PRKG1: variants seen among roughly 807,000 people sequenced by gnomAD.
PRKG1 encodes cGMP-dependent protein kinase 1.
In PRKG1, 35 loss-of-function variants were observed where a neutral mutation model predicts 88.1. That is an observed-to-expected ratio of 0.40 (90% CI 0.30 to 0.53). The LOEUF is 0.53. Ranked by LOEUF, PRKG1 falls within the 20% of genes least tolerant of loss-of-function variation. The pLI is 0.59. For synonymous variants in PRKG1, 303 were observed against 292.5 expected, an observed-to-expected ratio of 1.04 and a Z score of -0.37; for missense variants, 540 against 839.8, an observed-to-expected ratio of 0.64 and a Z score of 4.41.
intron 2 of PRKG1, among the ~76,000 whole-genome samples, chr10:51,176,527 T>G (rs182869468): frequency 6.6e-6 from 1 of 152,254 alleles, no homozygotes; most frequent in East Asian, 1.9e-4. Flanking sequence ...GCTGGTGTGA[T>G]GATTAAATGT....
At position 51,030,841 on chromosome 10, in the gene PRKG1, C is replaced by G. The variant is rs138580742; in HGVS notation, c.266+39197C>G. On this transcript the variant is annotated intron_variant, in intron 1 of 17. Transcript: ENST00000401604. ...TCCTGACCAGAAGCAGATGCTGGTG[C>G]CATGCTTCTTGTACAGCCTGCAGAG... 3.6e-3 allele frequency among the ~76,000 whole-genome samples: 548 copies of G among 152,318 alleles called. 4 individuals are homozygous for G. Among genetic ancestry groups the G allele is most frequent in the African/African-American group, 0.012 (515 of 41,574 alleles).
At chr10:51,662,327 T>C (rs1383167838) in intron 3 of PRKG1, among the ~76,000 whole-genome samples, 1 of 152,142 alleles carries the variant, frequency 6.6e-6, no homozygotes, top group Non-Finnish European at 1.5e-5. Flanking sequence ...CATTATGAAT[T>C]ATGTAGAAAT....
Position 51,823,662 on chromosome 10 carries a change from C to G in PRKG1, c.698+18972C>G, listed in dbSNP as rs1467743480. ...GAAACATTTCGATGTTTGAGAGAGA[C>G]AGGTTAAAGCCCAGTGTTAGCTATG... On this transcript the variant is annotated intron_variant, in intron 4 of 17. Coordinates refer to ENST00000373980, the MANE Select transcript of PRKG1 (RefSeq NM_006258.4). 2.6e-5 allele frequency among the ~76,000 whole-genome samples: 4 copies of G among 151,940 alleles called. No homozygotes were observed. The East Asian group carries it at 7.7e-4, about 29-fold the overall frequency.
intron 2 of PRKG1, among the ~76,000 whole-genome samples, chr10:51,175,327 A>ACATATATACACAC (rs1837161959): frequency 6.6e-6 from 1 of 152,016 alleles, no homozygotes; most frequent in African/African-American, 2.4e-5. Context: ...ACACAAATAC[A>ACATATATACACAC]CATATATACA....
At chr10:52,205,185 T>C (rs553705819) in intron 9 of PRKG1, among the ~76,000 whole-genome samples, 2 of 152,318 alleles carry the variant, frequency 1.3e-5, no homozygotes, top group Non-Finnish European at 1.5e-5. Context: ...CAGCAGGACG[T>C]GGAAGTTCAT....
chr10:51,127,491 C>T (rs540922453), intron 1 of PRKG1, among the ~76,000 whole-genome samples: 1 of 152,118 alleles, frequency 6.6e-6, no homozygotes, highest in African/African-American at 2.4e-5. Context: ...GAAATAGGAA[C>T]ACTTTTACAC....
intron 3 of PRKG1, among the ~76,000 whole-genome samples, chr10:51,691,460 A>C (rs2045813157): frequency 6.6e-6 from 1 of 151,990 alleles, no homozygotes; most frequent in Non-Finnish European, 1.5e-5. Flanking sequence ...GAGCCATGCC[A>C]CCATGGCCAA....
chr10:51,328,247 G>A (rs1293453573), intron 2 of PRKG1, among the ~76,000 whole-genome samples: 2 of 152,048 alleles, frequency 1.3e-5, no homozygotes, highest in Non-Finnish European at 2.9e-5. Context: ...TCTGTGCCTG[G>A]CTTATTTCAC....
At chr10:52,156,229 A>G (rs569143115) in intron 8 of PRKG1, among the ~76,000 whole-genome samples, 7 of 152,084 alleles carry the variant, frequency 4.6e-5, no homozygotes, top group Admixed American at 3.9e-4. Context: ...AGTTACTCAT[A>G]AAAATGTAAT....
intron 2 of PRKG1, among the ~76,000 whole-genome samples, chr10:51,279,229 A>C: frequency 6.6e-6 from 1 of 152,136 alleles, no homozygotes. Context: ...AGTCATTCAG[A>C]AGCAGGTTGT....
At chr10:52,238,807 C>T (rs1202452540) in intron 9 of PRKG1, among the ~76,000 whole-genome samples, 8 of 150,508 alleles carry the variant, frequency 5.3e-5, no homozygotes, top group African/African-American at 1.7e-4. Flanking sequence ...TTGACCCAGC[C>T]ATCCCATTAC....
At chr10:51,280,239 G>A (rs1447122515) in intron 2 of PRKG1, among the ~76,000 whole-genome samples, 2 of 152,154 alleles carry the variant, frequency 1.3e-5, no homozygotes, top group African/African-American at 4.8e-5. Context: ...TGAGAGTTCT[G>A]CTTTTAGTCT....
intron 5 of PRKG1, among the ~76,000 whole-genome samples, chr10:52,032,914 G>A (rs772219290): frequency 6.6e-6 from 1 of 152,184 alleles, no homozygotes; most frequent in Non-Finnish European, 1.5e-5. Flanking sequence ...ACATCCTAAT[G>A]TAGTCTAGGT....
intron 2 of PRKG1, among the ~76,000 whole-genome samples, chr10:51,430,129 A>G (rs1838718514): frequency 1.3e-5 from 2 of 151,960 alleles, no homozygotes; most frequent in East Asian, 1.9e-4. Flanking sequence ...TAAAAAAAAA[A>G]AAAAAGCCAG....
At chr10:51,339,361 C>T (rs1044836967) in intron 2 of PRKG1, among the ~76,000 whole-genome samples, 1 of 151,996 alleles carries the variant, frequency 6.6e-6, no homozygotes, top group African/African-American at 2.4e-5. Context: ...AAAATGTTTA[C>T]ATTTTAGAGA....
chr10:51,817,351 C>CG (rs539915395), intron 4 of PRKG1, among the ~76,000 whole-genome samples: 2 of 147,544 alleles, frequency 1.4e-5, no homozygotes, highest in Non-Finnish European at 3.0e-5. Flanking sequence ...TCCCCAACCC[C>CG]CCCCCTCCCC....
chr10:51,068,707 T>G (rs1843784833), intron 1 of PRKG1, among the ~76,000 whole-genome samples: 1 of 151,974 alleles, frequency 6.6e-6, no homozygotes, highest in South Asian at 2.1e-4. Flanking sequence ...TAAAAATACT[T>G]TAGAATATTT....
intron 3 of PRKG1, among the ~76,000 whole-genome samples, chr10:51,627,824 C>A: frequency 6.6e-6 from 1 of 151,384 alleles, no homozygotes; most frequent in Non-Finnish European, 1.5e-5. Context: ...CTGAAAGTCA[C>A]AATCTTCCTC....
intron 7 of PRKG1, among the ~76,000 whole-genome samples, chr10:52,073,673 A>G (rs1310475685): frequency 6.6e-6 from 1 of 152,204 alleles, no homozygotes. Flanking sequence ...ACCCAAATAC[A>G]TAGGCATGTA....
Sources: gnomAD v4.1 joint callset for allele counts (sites outside exome capture counted in the v4.1 genomes callset) on GRCh38, gnomAD v4.1.1 for gene constraint, MANE v1.5 for transcripts, NCBI Gene and HGNC (gene_info 2026-07-23, HGNC 2026-07-21) for gene names.